Variants in ARAP2 observed in about 807,000 individuals in gnomAD.
ARAP2 encodes ArfGAP with RhoGAP domain, ankyrin repeat and PH domain 2, also known as arf-GAP with Rho-GAP domain, ANK repeat and PH domain-containing protein 2.
In ARAP2, 148 loss-of-function variants were observed where a neutral mutation model predicts 194.5. That is an observed-to-expected ratio of 0.76 (90% confidence interval 0.67 to 0.87). The LOEUF is 0.87. ARAP2 is among the 40% of genes least tolerant of loss of function. ARAP2 has a pLI of 0.00. For missense variants in ARAP2, 2,128 were observed against 1,989.7 expected, an observed-to-expected ratio of 1.07 and a Z score of -1.32; for synonymous variants, 695 against 683.5, an observed-to-expected ratio of 1.02 and a Z score of -0.26.
intron 32 of ARAP2, among the ~76,000 whole-genome samples, chr4:36,071,703 T>TC (rs1726970781): frequency 6.9e-6 from 1 of 144,252 alleles, no homozygotes; most frequent in African/African-American, 2.5e-5. Context: ...ATTTTTTTTC[T>TC]TTTTTTTTTA....
At chr4:36,170,672 A>G (rs1402765379) in intron 9 of ARAP2, among the ~76,000 whole-genome samples, 1 of 152,202 alleles carries the variant, frequency 6.6e-6, no homozygotes, top group Non-Finnish European at 1.5e-5. Context: ...AATTGGTTTA[A>G]TATCTATCTG....
chr4:36,124,794 A>T (rs1334437857), intron 22 of ARAP2, 68 bp downstream of exon 22: 2 of 966,240 alleles, frequency 2.1e-6, no homozygotes, highest in Non-Finnish European at 3.2e-6. Flanking sequence ...ATTCACAATC[A>T]CATAAGAAAT....
In ARAP2 at chr4:36,128,749, T is replaced by A; in HGVS notation, c.3428-4A>T. ...TAGATATATTTGCATCCTAAACCTTTGTTTAAAAAAAAAAAGTTATACTTT... is the reference window on the plus strand; with the variant it reads ...TAGATATATTTGCATCCTAAACCTTAGTTTAAAAAAAAAAAGTTATACTTT... On this transcript the variant is annotated splice_region_variant and splice_polypyrimidine_tract_variant and intron_variant, in intron 20 of 32. Transcript: ENST00000303965. The A allele has an allele frequency of 6.9e-7, 1 of 1,454,212 alleles. No individual in the cohort carries two copies. The highest frequency in any genetic ancestry group is 2.4e-5 in the Admixed American group (1 of 40,888). The allele number at this position is 1,454,212 out of a possible 1,614,324, so 90.1% of individuals were successfully genotyped here.
intron 15 of ARAP2, among the ~76,000 whole-genome samples, chr4:36,152,806 A>C (rs1279175881): frequency 6.6e-6 from 1 of 152,226 alleles, no homozygotes; most frequent in Non-Finnish European, 1.5e-5. Flanking sequence ...AGTATGAGGG[A>C]AGTCATAGAA....
intron 30 of ARAP2, among the ~76,000 whole-genome samples, chr4:36,080,746 AACT>A (rs1459498749): frequency 6.6e-6 from 1 of 152,176 alleles, no homozygotes; most frequent in Non-Finnish European, 1.5e-5. Context: ...TAAAAAATGA[AACT>A]ACATGAAAAA....
At chr4:36,241,628 G>A (rs1753521994) in intron 1 of ARAP2, among the ~76,000 whole-genome samples, 1 of 152,058 alleles carries the variant, frequency 6.6e-6, no homozygotes, top group South Asian at 2.1e-4. Flanking sequence ...TGAACAATCA[G>A]TTCATTATTA....
chr4:36,106,441 T>A (rs1718435297), intron 27 of ARAP2, among the ~76,000 whole-genome samples: 1 of 151,628 alleles, frequency 6.6e-6, no homozygotes, highest in African/African-American at 2.4e-5. Context: ...TTGCATTTTG[T>A]AAAAGTACTT....
At chr4:36,119,081 T>A (rs1310754766) in intron 24 of ARAP2, among the ~76,000 whole-genome samples, 2 of 151,392 alleles carry the variant, frequency 1.3e-5, no homozygotes, top group Non-Finnish European at 3.0e-5. Flanking sequence ...CCAGTGAATA[T>A]TCACCAAACA....
intron 32 of ARAP2, among the ~76,000 whole-genome samples, chr4:36,072,776 C>T (rs1337916466): frequency 6.6e-6 from 1 of 151,214 alleles, no homozygotes; most frequent in East Asian, 1.9e-4. Context: ...TACATCAGGG[C>T]AGAATGACTA....
intron 5 of ARAP2, among the ~76,000 whole-genome samples, chr4:36,043,172 G>A (rs1186580814): frequency 1.3e-4 from 20 of 152,096 alleles, no homozygotes; most frequent in Admixed American, 1.3e-3. Context: ...GTACTACCAT[G>A]TGCAGACACC....
intron 9 of ARAP2, among the ~76,000 whole-genome samples, chr4:36,174,112 C>T (rs1737278744): frequency 6.6e-6 from 1 of 152,210 alleles, no homozygotes; most frequent in African/African-American, 2.4e-5. Context: ...GTTTCTAGAG[C>T]AGTGCCCAGA....
chr4:36,025,648 T>C (rs1031062865), intron 5 of ARAP2, among the ~76,000 whole-genome samples: 1 of 151,498 alleles, frequency 6.6e-6, no homozygotes, highest in East Asian at 1.9e-4. Flanking sequence ...AATATAATTA[T>C]GGAATGGCTG....
intron 32 of ARAP2, among the ~76,000 whole-genome samples, chr4:36,072,274 G>T (rs953285513): frequency 7.2e-5 from 11 of 152,014 alleles, no homozygotes; most frequent in Non-Finnish European, 1.6e-4. Context: ...AAATTTTCCA[G>T]TAATTGAAAA....
intron 1 of ARAP2, among the ~76,000 whole-genome samples, chr4:36,058,814 C>T (rs1723943909): frequency 6.6e-6 from 1 of 151,936 alleles, no homozygotes; most frequent in Admixed American, 6.6e-5. Context: ...AAAATATATA[C>T]TAATAAATAT....
At chr4:36,189,519 T>C (rs559927340) in intron 7 of ARAP2, among the ~76,000 whole-genome samples, 2 of 152,148 alleles carry the variant, frequency 1.3e-5, no homozygotes, top group African/African-American at 4.8e-5. Context: ...CCTCTCTAGC[T>C]ATAAGTTCCT....
intron 7 of ARAP2, among the ~76,000 whole-genome samples, chr4:36,189,042 TA>T (rs965023628): frequency 2.6e-5 from 4 of 152,160 alleles, no homozygotes; most frequent in African/African-American, 9.7e-5. Context: ...AATGTAATCT[TA>T]AATACCAATG....
chr4:36,058,049 G>T (rs1723810129), exon 2 of ARAP2: 1 of 152,088 alleles, frequency 6.6e-6, no homozygotes, highest in South Asian at 2.1e-4. Flanking sequence ...GGGCAGTTTT[G>T]ATGATGTTCT....
At chr4:36,166,773 G>A (rs1735376554) in intron 10 of ARAP2, among the ~76,000 whole-genome samples, 159 bp downstream of exon 10, 1 of 151,936 alleles carries the variant, frequency 6.6e-6, no homozygotes, top group African/African-American at 2.4e-5. Context: ...ACTTTTACAA[G>A]GTGTTTTTAT....
intron 19 of ARAP2, among the ~76,000 whole-genome samples, chr4:36,139,024 G>C (rs186979838): frequency 3.3e-5 from 5 of 151,622 alleles, no homozygotes; most frequent in Non-Finnish European, 5.9e-5. Context: ...TTGTCTTCTA[G>C]TTATATGTAT....
Sources: gnomAD v4.1 joint callset for allele counts (sites outside exome capture counted in the v4.1 genomes callset) on GRCh38, gnomAD v4.1.1 for gene constraint, MANE v1.5 for transcripts, NCBI Gene and HGNC (gene_info 2026-07-23, HGNC 2026-07-21) for gene names.